SLC6A13: variants seen among roughly 807,000 people sequenced by gnomAD.
The protein encoded by SLC6A13 is sodium- and chloride-dependent GABA transporter 2.
Under a neutral mutation model 72.9 loss-of-function variants are expected in SLC6A13, and 69 were observed. That is an observed-to-expected ratio of 0.95 (90% CI 0.78 to 1.16). The LOEUF is 1.16. Among genes scored for constraint, SLC6A13 ranks in the 50% most tolerant of loss-of-function variants. The probability of loss-of-function intolerance (pLI) is 0.00; values close to 1 mark genes in which losing one functional copy is unlikely to be tolerated. For synonymous variants in SLC6A13, 303 were observed against 303.0 expected (o/e 1.00, Z 0.00); for missense variants, 735 against 760.5 (o/e 0.97, Z 0.39).
chr12:246,676 C>T (rs7969761), intron 2 of SLC6A13, among the ~76,000 whole-genome samples: 66,695 of 152,036 alleles, frequency 0.44, 16,076 homozygotes, highest in Non-Finnish European at 0.55. Flanking sequence ...GACCTTGAAC[C>T]ATAATAGAAA....
At chr12:228,507 G>A (rs1008883424) in intron 7 of SLC6A13, among the ~76,000 whole-genome samples, 10 of 152,094 alleles carry the variant, frequency 6.6e-5, no homozygotes, top group African/African-American at 2.4e-4. Context: ...TGGAAAGGGC[G>A]CCGGATGACC....
chr12:225,670 A>G (rs530502438), intron 9 of SLC6A13, among the ~76,000 whole-genome samples: 5 of 152,208 alleles, frequency 3.3e-5, no homozygotes, highest in African/African-American at 9.6e-5. Flanking sequence ...AAAAAAAAAA[A>G]AAAAAGAGGG....
intron 2 of SLC6A13, chr12:256,413 T>G (rs1234184912): frequency 6.6e-6 from 1 of 152,266 alleles, no homozygotes; most frequent in South Asian, 2.1e-4. Flanking sequence ...CTGCAGGTCC[T>G]GGACAGCAGG....
At chr12:261,863 T>C (rs1035351592) in intron 1 of SLC6A13, among the ~76,000 whole-genome samples, 9 of 151,564 alleles carry the variant, frequency 5.9e-5, no homozygotes, top group Admixed American at 5.9e-4. Flanking sequence ...GAGGCAGAGG[T>C]TGCAGTGAGC....
intron 2 of SLC6A13, among the ~76,000 whole-genome samples, chr12:252,599 A>C (rs1942591430): frequency 6.6e-6 from 1 of 152,224 alleles, no homozygotes; most frequent in African/African-American, 2.4e-5. Flanking sequence ...GATCATGAGG[A>C]CAAAGAAGGA....
chr12:224,318 T>G, intron 10 of SLC6A13, 83 bp downstream of exon 10: 1 of 1,377,394 alleles, frequency 7.3e-7, no homozygotes, highest in Non-Finnish European at 1.0e-6. Context: ...GGCATCCACT[T>G]CTGACATTCA....
chr12:241,832 T>G (rs935685939), intron 4 of SLC6A13, among the ~76,000 whole-genome samples: 2 of 152,360 alleles, frequency 1.3e-5, no homozygotes, highest in African/African-American at 4.8e-5. Flanking sequence ...CAGGAGAAAT[T>G]GCAGATATGC....
chr12:221,542 G>A lies in SLC6A13; in HGVS notation c.1520C>T (p.Thr507Ile). 6.3e-7 allele frequency: 1 copy of A among 1,584,768 alleles called. No homozygotes were observed. Among genetic ancestry groups the A allele is most frequent in the Non-Finnish European group, 8.6e-7 (1 of 1,163,504 alleles). Residue 507 changes from threonine to isoleucine, a missense_variant, in exon 14 of 15, where the codon ACC becomes ATC. Coordinates refer to ENST00000343164, the MANE Select transcript of SLC6A13 (RefSeq NM_016615.5). Reference protein sequence around the residue: ...LFLTPAVCTATFLFSLIKYTP... With the variant: ...LFLTPAVCTAIFLFSLIKYTP... ...GTACTTTATCAGGGAGAAGAGAAAG[G>A]TGGCCTGAGGGGGAGAGCAGAAGAG...
intron 9 of SLC6A13, among the ~76,000 whole-genome samples, chr12:225,223 G>A (rs1941394091): frequency 6.6e-6 from 1 of 152,278 alleles, no homozygotes; most frequent in Non-Finnish European, 1.5e-5. Context: ...TGACCTCGGA[G>A]GTCTTTTGCT....
Position 259,871 on chromosome 12 carries a change from A to C in SLC6A13, c.182T>G (p.Leu61Arg). Reference sequence around the variant, plus strand: ...CTCACCTCCCCCATTTTTGTAGCAGAGATAGGGAAACCTCCAGACGTTGCC... The same window carrying C: ...CTCACCTCCCCCATTTTTGTAGCAGCGATAGGGAAACCTCCAGACGTTGCC... ...GLGNVWRFPY[L>R]CYKNGGGAFF... Residue 61 changes from leucine (L) to arginine (R), a missense_variant, in exon 2 of 15, where the codon CTC (leucine) becomes CGC (arginine). Leu to Arg is a moderately radical substitution (Grantham distance 102, BLOSUM62 -2). Coordinates refer to ENST00000343164, the MANE Select transcript of SLC6A13 (RefSeq NM_016615.5). The C allele has an allele frequency of 6.2e-7, 1 of 1,614,202 alleles. No individual in the cohort carries two copies.
At position 237,287 on chromosome 12, in the gene SLC6A13, C is replaced by T. The variant is rs1941969416; in HGVS notation, c.567G>A (p.Arg189=). ...TCCCATCAGAGATCTTCAAGACCCG[C>T]CGCCTGGGGAGAGAAGGGTTGAACC... The part of the protein sequence containing the change: ...ATSPVIEFWE[R]RVLKISDGIQ... Residue 189 remains arginine (R), a synonymous_variant, in exon 6 of 15, where the codon CGG becomes CGA. Coordinates refer to ENST00000343164, the MANE Select transcript of SLC6A13 (RefSeq NM_016615.5). 6.2e-7 allele frequency: 1 copy of T among 1,614,032 alleles called. No individual in the cohort carries two copies. The highest frequency in any genetic ancestry group is 1.3e-5 in the African/African-American group (1 of 74,950).
At position 224,566 on chromosome 12, in the gene SLC6A13, G is replaced by A; in HGVS notation, c.1061-53C>T. 14 of 1,458,350 alleles carry A rather than the reference G, an allele frequency of 9.6e-6. No individual in the cohort carries two copies. In the South Asian group the frequency reaches 1.4e-4, roughly 14 times the overall value. 90.3% of individuals were successfully genotyped at this position (1,458,350 alleles called of 1,614,324 possible). ...CCAGTGCCCGGGCCAGCTCCAGGCT[G>A]TGGGTGACCCATGGCTTCCCAGCGT... On this transcript the variant is annotated intron_variant, in intron 9 of 14. Transcript: ENST00000343164.
At chr12:252,825 G>A (rs1434028612) in intron 2 of SLC6A13, among the ~76,000 whole-genome samples, 2 of 152,140 alleles carry the variant, frequency 1.3e-5, no homozygotes, top group East Asian at 1.9e-4. Flanking sequence ...TTTAACTCTG[G>A]GCCCCGTGGT....
chr12:238,776 A>C (rs937243267), intron 4 of SLC6A13, among the ~76,000 whole-genome samples: 1 of 152,150 alleles, frequency 6.6e-6, no homozygotes, highest in Non-Finnish European at 1.5e-5. Context: ...CAGGTCAGCA[A>C]ATTGTCTGGG....
At chr12:237,413 T>G in intron 5 of SLC6A13, 123 bp from the exon 6 acceptor site, 1 of 1,040,006 alleles carries the variant, frequency 9.6e-7, no homozygotes, top group Non-Finnish European at 1.4e-6. Context: ...TCTGCTCTCT[T>G]CACATGAGGC....
At chr12:237,341 T>C (rs922167742) in intron 5 of SLC6A13, 51 bp from the exon 6 acceptor site, 24 of 1,604,152 alleles carry the variant, frequency 1.5e-5, no homozygotes, top group South Asian at 2.2e-5. Context: ...AGCCTCAGTT[T>C]TGTGGCCCCG....
chr12:238,059 C>A lies in SLC6A13; in HGVS notation c.479-49G>T, dbSNP rs78211840. 3.0e-5 allele frequency: 48 copies of A among 1,590,440 alleles called. No individual in the cohort carries two copies. The Admixed American group carries it at 7.9e-4, about 26-fold the overall frequency. The stretch of plus-strand genomic sequence containing the variant: ...AAAAAAGAGAAAAATCATCAGCCAG[C>A]CTATGACACAACTGGAGAGTGGGGT... On this transcript the variant is annotated intron_variant, in intron 4 of 14. Coordinates refer to ENST00000343164, the MANE Select transcript of SLC6A13 (RefSeq NM_016615.5).
chr12:258,591 G>A (rs917552974), intron 2 of SLC6A13, among the ~76,000 whole-genome samples: 8 of 152,126 alleles, frequency 5.3e-5, no homozygotes, highest in Admixed American at 1.3e-4. Context: ...AATCCTACAA[G>A]CTTTACCCAT....
At chr12:235,783 G>C (rs1325901672) in intron 6 of SLC6A13, among the ~76,000 whole-genome samples, 2 of 152,176 alleles carry the variant, frequency 1.3e-5, no homozygotes, top group Admixed American at 1.3e-4. Flanking sequence ...AAGTAGGAGA[G>C]ATGTCGCTAA....
Sources: gnomAD v4.1 joint callset for allele counts (sites outside exome capture counted in the v4.1 genomes callset) on GRCh38, gnomAD v4.1.1 for gene constraint, MANE v1.5 for transcripts, NCBI Gene and HGNC (gene_info 2026-07-23, HGNC 2026-07-21) for gene names.